The following ESYT3 variants were observed in gnomAD, a reference collection of about 807,000 sequenced individuals.
ESYT3 encodes extended synaptotagmin 3.
In ESYT3, 101 loss-of-function variants were observed where a neutral mutation model predicts 111.5. The observed-to-expected ratio is 0.91, with a 90% confidence interval of 0.77 to 1.07. The LOEUF is 1.07. Among genes scored for constraint, ESYT3 ranks in the 50% least tolerant of loss-of-function variants. ESYT3 has a pLI of 0.00. For missense variants in ESYT3, 1,097 were observed against 1,109.4 expected, an observed-to-expected ratio of 0.99 and a Z score of 0.16; for synonymous variants, 416 against 446.8, an observed-to-expected ratio of 0.93 and a Z score of 0.87.
In ESYT3 at chr3:138,464,587, C is replaced by G; in HGVS notation, c.1086+72C>G. On this transcript the variant is annotated intron_variant, in intron 9 of 22. Transcript: ENST00000389567. ...GGGCAGAGGCAATCCAGGGGCAACACTAGGCAGGGAGTGGGCCTTGGAGAC... is the reference window on the plus strand; with the variant it reads ...GGGCAGAGGCAATCCAGGGGCAACAGTAGGCAGGGAGTGGGCCTTGGAGAC... 4.6e-6 allele frequency: 7 copies of G among 1,523,100 alleles called. No individual in the cohort carries two copies. In the South Asian group the frequency reaches 8.2e-5, roughly 18 times the overall value. The allele number at this position is 1,523,100 out of a possible 1,614,324, so 94.3% of individuals were successfully genotyped here.
At chr3:138,441,142 A>G (rs1382001139) in intron 1 of ESYT3, among the ~76,000 whole-genome samples, 2 of 152,234 alleles carry the variant, frequency 1.3e-5, no homozygotes, top group Non-Finnish European at 2.9e-5. Context: ...CTCGGCCCAC[A>G]GTCTTTCACA....
In ESYT3 at chr3:138,435,877, G is replaced by A. The variant is rs1379814234; in HGVS notation, c.327+752G>A. 6.6e-6 allele frequency among the ~76,000 whole-genome samples: 1 copy of A among 152,192 alleles called. No individual in the cohort carries two copies. The highest frequency in any genetic ancestry group is 1.5e-5 in the Non-Finnish European group (1 of 68,036). On this transcript the variant is annotated intron_variant, in intron 1 of 22. Coordinates refer to ENST00000389567, the MANE Select transcript of ESYT3 (RefSeq NM_031913.5). This position sits in a 1 kb window ranked among gnomAD's most constrained non-coding sequence, Gnocchi z 4.8. ...GTATCCTGGGTGATTCTTATGATTA[G>A]GTGAGCTTGGGAAACACCGGCAAGA...
rs1268715694 is a variant in ESYT3 at position 138,465,378 on chromosome 3, GACCTGT to G, written c.1128_1133del (p.Leu377_Tyr378del). On this transcript the variant is annotated inframe_deletion, in exon 10 of 23. Coordinates refer to ENST00000389567, the MANE Select transcript of ESYT3 (RefSeq NM_031913.5). Reference sequence around the variant, plus strand: ...AGTCCCTGGACAGGACCTGGAGGTAGACCTGTATGATGAGGATACCGACAGGGATGA... The same window carrying G: ...AGTCCCTGGACAGGACCTGGAGGTAGATGATGAGGATACCGACAGGGATGA... The G allele has an allele frequency of 6.3e-7, 1 of 1,597,486 alleles. No individual in the cohort carries two copies. The highest frequency in any genetic ancestry group is 1.1e-5 in the South Asian group (1 of 87,362).
chr3:138,460,520 C>T lies in ESYT3; in HGVS notation c.739-91C>T, dbSNP rs895415391. 15 of 1,369,020 alleles carry T rather than the reference C, an allele frequency of 1.1e-5. No individual in the cohort carries two copies. The African/African-American group carries it at 1.9e-4, about 17-fold the overall frequency. The allele number at this position is 1,369,020 out of a possible 1,614,324, so 84.8% of individuals were successfully genotyped here. On this transcript the variant is annotated intron_variant, in intron 6 of 22. Coordinates refer to ENST00000389567, the MANE Select transcript of ESYT3 (RefSeq NM_031913.5). ...CCCCACCCTGGAAGGCTGGGTTCTC[C>T]ATTCACATGGGTGTGAGGCTCTTGG...
rs370592864 is a variant in ESYT3, at chr3:138,470,126, A to C, written c.1570A>C (p.Thr524Pro). The change falls in exon 16 of 23, where the codon ACT (threonine) becomes CCT (proline). Residue 524 changes from threonine to proline, a missense_variant. Physicochemically the swap from Thr to Pro is conservative, Grantham distance 38. Coordinates refer to ENST00000389567, the MANE Select transcript of ESYT3 (RefSeq NM_031913.5). ...CTCCTTCTTTGTGCACAATGTGGCC[A>C]CTGAGCGGCTCCATCTGAAGGTTTG... Reference protein sequence around the residue: ...VFSFFVHNVATERLHLKVLDD... With the variant: ...VFSFFVHNVAPERLHLKVLDD... 1.3e-5 allele frequency: 21 copies of C among 1,612,682 alleles called. No homozygotes were observed. In the African/African-American group the frequency reaches 2.3e-4, roughly 17 times the overall value.
intron 22 of ESYT3, 65 bp from the exon 23 acceptor site, chr3:138,476,753 G>A (rs2033502098): frequency 9.8e-6 from 15 of 1,525,962 alleles, no homozygotes; most frequent in Non-Finnish European, 1.4e-5. Flanking sequence ...GGACTAGGCA[G>A]TTTGTCCTGT....
In ESYT3 at chr3:138,462,117, A is replaced by G; in HGVS notation, c.826A>G (p.Ile276Val). ...DVSDSLLEDL[I>V]ATHLVLPNRV... is the part of the protein sequence containing the mutation. ...GTCAGACAGCTTACTGGAGGACCTC[A>G]TTGCCACCCACCTGGTGCTGCCCAA... Residue 276 changes from isoleucine (I) to valine (V), a missense_variant, in exon 8 of 23, where the codon ATT becomes GTT. Transcript: ENST00000389567. The G allele has an allele frequency of 2.5e-6, 4 of 1,614,100 alleles. No homozygotes were observed. Among genetic ancestry groups the G allele is most frequent in the Non-Finnish European group, 3.4e-6 (4 of 1,179,994 alleles).
At chr3:138,462,057 C>G in intron 7 of ESYT3, 29 bp from the exon 8 acceptor site, 1 of 1,613,454 alleles carries the variant, frequency 6.2e-7, no homozygotes, top group African/African-American at 1.3e-5. Context: ...AGTGCCACCC[C>G]TCCACAGCTG....
intron 1 of ESYT3, among the ~76,000 whole-genome samples, chr3:138,438,521 C>T (rs1365368319): frequency 6.6e-6 from 1 of 152,194 alleles, no homozygotes; most frequent in African/African-American, 2.4e-5. Context: ...GGATGCCATC[C>T]TTCCCCACTG....
intron 18 of ESYT3, 164 bp from the exon 19 acceptor site, chr3:138,473,372 A>G: frequency 1.5e-6 from 1 of 674,368 alleles, no homozygotes; most frequent in Non-Finnish European, 2.4e-6. Flanking sequence ...ATTATACATG[A>G]ATGCTGGATG....
At chr3:138,469,530 G>A in intron 15 of ESYT3, 26 bp downstream of exon 15, 1 of 1,605,372 alleles carries the variant, frequency 6.2e-7, no homozygotes, top group Non-Finnish European at 8.5e-7. Context: ...GTGTAGCCCT[G>A]GGGTAAGGAA....
In ESYT3 at chr3:138,452,062, C is replaced by T. The variant is rs566919461; in HGVS notation, c.342C>T (p.Asp114=). 7.5e-6 allele frequency: 12 copies of T among 1,607,356 alleles called. No homozygotes were observed. In the South Asian group the frequency reaches 1.2e-4, roughly 16 times the overall value. The change falls in exon 2 of 23, where the codon GAC becomes GAT. Residue 114 remains aspartate (D), a synonymous_variant. Coordinates refer to ENST00000389567, the MANE Select transcript of ESYT3 (RefSeq NM_031913.5). ...TTCTTTCCTAGATCCACTTCCCGGA[C>T]GTGGAGCGGGTCGAGTGGGCCAACA... ...QHLPAWIHFP[D]VERVEWANKI...
At chr3:138,469,910 C>T (rs1303743286) in intron 15 of ESYT3, 150 bp from the exon 16 acceptor site, 1 of 579,890 alleles carries the variant, frequency 1.7e-6, no homozygotes, top group Non-Finnish European at 3.0e-6. Flanking sequence ...CCTAGTGCCT[C>T]CCACTAGCTG....
At chr3:138,473,459 C>T in intron 18 of ESYT3, 77 bp from the exon 19 acceptor site, 1 of 1,290,252 alleles carries the variant, frequency 7.8e-7, no homozygotes. Context: ...AGCAGGAATG[C>T]TTCTTTGTCT....
chr3:138,473,522 CTCTT>C lies in ESYT3; in HGVS notation c.2238-8_2238-5del, dbSNP rs757091504. On this transcript the variant is annotated splice_polypyrimidine_tract_variant and intron_variant, in intron 18 of 22. Coordinates refer to ENST00000389567, the MANE Select transcript of ESYT3 (RefSeq NM_031913.5). ...TTGTTATGGCGAGAGAAGTGATGGGCTCTTTCTTTACAGAGGTGGGGACCTCAGG... is the reference window on the plus strand; with the variant it reads ...TTGTTATGGCGAGAGAAGTGATGGGCTCTTTACAGAGGTGGGGACCTCAGG... 5.5e-4 allele frequency: 882 copies of C among 1,609,964 alleles called. 1 individual carries two copies. The highest frequency in any genetic ancestry group is 7.0e-4 in the Non-Finnish European group (818 of 1,176,684).
rs1442416432 is a variant in ESYT3, at chr3:138,440,466, A to G, written c.327+5341A>G. On this transcript the variant is annotated intron_variant, in intron 1 of 22. Transcript: ENST00000389567. This position sits in a 1 kb window ranked among gnomAD's most constrained non-coding sequence, Gnocchi z 4.2. The stretch of plus-strand genomic sequence containing the variant: ...AATTAGAGGAAGTAAATGCAGTGAC[A>G]GCTCTGAGCTAGCCTGGGCACTCTC... Among the ~76,000 whole-genome samples the G allele has an allele frequency of 6.6e-6, 1 of 152,226 alleles. No individual in the cohort carries two copies. The highest frequency in any genetic ancestry group is 1.5e-5 in the Non-Finnish European group (1 of 68,048).
intron 2 of ESYT3, among the ~76,000 whole-genome samples, 183 bp from the exon 3 acceptor site, chr3:138,455,010 GT>G (rs1245517862): frequency 6.6e-6 from 1 of 152,182 alleles, no homozygotes; most frequent in Non-Finnish European, 1.5e-5. Context: ...GTTATCAGAT[GT>G]TTGACGGACA....
intron 1 of ESYT3, among the ~76,000 whole-genome samples, chr3:138,439,233 A>G (rs2030956585): frequency 6.6e-6 from 1 of 152,178 alleles, no homozygotes; most frequent in Non-Finnish European, 1.5e-5. Context: ...CGGGCTTCCT[A>G]ACTACCTTTT....
chr3:138,465,345 G>A lies in ESYT3; in HGVS notation c.1093G>A (p.Val365Met). The A allele has an allele frequency of 6.3e-7, 1 of 1,589,996 alleles. No homozygotes were observed. Reference sequence around the variant, plus strand: ...CACCTCTTTTTCCTTCCAGTTCATGGTGTACGAAGTCCCTGGACAGGACCT... The same window carrying A: ...CACCTCTTTTTCCTTCCAGTTCATGATGTACGAAGTCCCTGGACAGGACCT... ...PTWNEVFEFM[V>M]YEVPGQDLEV... The change falls in exon 10 of 23, where the codon GTG (valine) becomes ATG (methionine). Residue 365 changes from valine (V) to methionine (M), a missense_variant. Physicochemically the swap from Val to Met is conservative, Grantham distance 21. Transcript: ENST00000389567.
Sources: gnomAD v4.1 joint callset for allele counts (sites outside exome capture counted in the v4.1 genomes callset) on GRCh38, gnomAD v4.1.1 for gene constraint, Gnocchi (gnomAD v3.1) non-coding constraint, MANE v1.5 for transcripts, NCBI Gene and HGNC (gene_info 2026-07-23, HGNC 2026-07-21) for gene names.